DNAH6: variants seen among roughly 807,000 people sequenced by gnomAD.
The protein encoded by DNAH6 is dynein axonemal heavy chain 6, also known as axonemal beta dynein heavy chain 6.
DNAH6 carries 340 observed loss-of-function variants against 491.4 expected under a neutral mutation model. The ratio of observed to expected loss-of-function variants is 0.69; its 90% confidence interval spans 0.63 to 0.76. DNAH6 has a LOEUF of 0.76. DNAH6 is among the 30% of genes least tolerant of loss of function. The pLI is 0.00. For synonymous variants in DNAH6, 1,603 were observed against 1,686.1 expected (o/e 0.95, Z 1.21); for missense variants, 4,443 against 4,972.2 (o/e 0.89, Z 3.20).
At chr2:84,650,351 C>T (rs762115866) in intron 33 of DNAH6, among the ~76,000 whole-genome samples, 3 of 152,124 alleles carry the variant, frequency 2.0e-5, no homozygotes, top group Non-Finnish European at 4.4e-5. Flanking sequence ...CAATATTCTC[C>T]GTCTTGTTCA....
At chr2:84,544,811 A>G (rs1016415779) in intron 5 of DNAH6, among the ~76,000 whole-genome samples, 2 of 152,116 alleles carry the variant, frequency 1.3e-5, no homozygotes, top group African/African-American at 4.8e-5. Flanking sequence ...TGTCATTTTG[A>G]GCAGAGTAGG....
At chr2:84,525,940 A>G (rs953644758) in intron 3 of DNAH6, among the ~76,000 whole-genome samples, 20 of 152,214 alleles carry the variant, frequency 1.3e-4, no homozygotes, top group Non-Finnish European at 2.9e-5. Context: ...AACTTTCACC[A>G]TCTGTACAGT....
intron 16 of DNAH6, among the ~76,000 whole-genome samples, chr2:84,590,945 G>A (rs578078234): frequency 3.3e-5 from 5 of 152,276 alleles, no homozygotes; most frequent in Admixed American, 6.5e-5. Flanking sequence ...GGTTGGAACC[G>A]CTGAGAACAA....
intron 4 of DNAH6, among the ~76,000 whole-genome samples, chr2:84,540,897 C>T (rs778645194): frequency 2.6e-5 from 4 of 152,102 alleles, no homozygotes; most frequent in African/African-American, 4.8e-5. Context: ...TTTGAGACTT[C>T]CATCTCAATC....
At chr2:84,547,828 T>G (rs895037166) in intron 7 of DNAH6, among the ~76,000 whole-genome samples, 6 of 152,208 alleles carry the variant, frequency 3.9e-5, no homozygotes, top group Non-Finnish European at 7.3e-5. Context: ...ATATAGTATT[T>G]CTAAACTGGA....
At chr2:84,627,174 G>T (rs1687960100) in intron 29 of DNAH6, among the ~76,000 whole-genome samples, 1 of 152,182 alleles carries the variant, frequency 6.6e-6, no homozygotes, top group Non-Finnish European at 1.5e-5. Flanking sequence ...GAACTTTGGA[G>T]CTAGAGCACA....
intron 18 of DNAH6, among the ~76,000 whole-genome samples, chr2:84,603,454 G>C (rs967136113): frequency 1.3e-5 from 2 of 151,990 alleles, no homozygotes; most frequent in Non-Finnish European, 2.9e-5. Context: ...TTTGTGTTGT[G>C]CTCACTGAGA....
chr2:84,589,079 C>T (rs1683845328), intron 16 of DNAH6, 125 bp downstream of exon 16: 6 of 847,662 alleles, frequency 7.1e-6, no homozygotes, highest in Non-Finnish European at 1.0e-5. Context: ...AGTCAGCATG[C>T]TACAAATAGT....
At position 84,709,662 on chromosome 2, in the gene DNAH6, G is replaced by A. The variant is rs952653789; in HGVS notation, c.9252+116G>A. The A allele has an allele frequency of 3.5e-6, 4 of 1,145,182 alleles. No homozygotes were observed. In the African/African-American group the frequency reaches 4.7e-5, roughly 13 times the overall value. The allele number at this position is 1,145,182 out of a possible 1,614,324, so 70.9% of individuals were successfully genotyped here. A position where few individuals can be genotyped will look rare whatever the true frequency, so the allele number is the denominator to read the frequency against. On this transcript the variant is annotated intron_variant, in intron 55 of 76. Transcript: ENST00000389394. The stretch of plus-strand genomic sequence containing the variant: ...TGGAGATTTAGATTTAACATACATG[G>A]AGATTTAGACCTAGAAGAGAGTGTT...
intron 11 of DNAH6, among the ~76,000 whole-genome samples, chr2:84,558,615 T>C (rs1019902107): frequency 3.3e-5 from 5 of 152,196 alleles, no homozygotes; most frequent in African/African-American, 1.2e-4. Context: ...ATTACATGTT[T>C]AATGTTTTGT....
chr2:84,767,732 G>A (rs1442294611), intron 64 of DNAH6, among the ~76,000 whole-genome samples: 1 of 151,890 alleles, frequency 6.6e-6, no homozygotes, highest in Non-Finnish European at 1.5e-5. Flanking sequence ...GGAGAGAAGA[G>A]TGCAGAATAT....
chr2:84,505,289 A>G, the DNAH6 span, among the ~76,000 whole-genome samples: 2 of 152,168 alleles, frequency 1.3e-5, no homozygotes, highest in African/African-American at 2.4e-5. Context: ...AATTTGATCT[A>G]TGAATACAGA....
the DNAH6 span, among the ~76,000 whole-genome samples, chr2:84,484,067 G>A: frequency 2.6e-5 from 4 of 152,122 alleles, no homozygotes; most frequent in Non-Finnish European, 5.9e-5. Flanking sequence ...TTTGGCTGGG[G>A]TAGGGTATAA....
chr2:84,812,558 A>C (rs1025471444), intron 73 of DNAH6, 32 bp downstream of exon 73: 8 of 1,533,122 alleles, frequency 5.2e-6, no homozygotes, highest in Non-Finnish European at 7.0e-6. Context: ...GGTTTTGATG[A>C]ATCTGATGGC....
chr2:84,805,598 T>C (rs554179185), intron 70 of DNAH6, 67 bp from the exon 71 acceptor site: 2 of 1,383,538 alleles, frequency 1.4e-6, no homozygotes, highest in African/African-American at 2.9e-5. Flanking sequence ...TAAATAATTA[T>C]GTGTGCTGCA....
At chr2:84,650,805 A>T (rs566411343) in intron 33 of DNAH6, among the ~76,000 whole-genome samples, 2 of 152,298 alleles carry the variant, frequency 1.3e-5, no homozygotes, top group South Asian at 4.1e-4. Context: ...CTCTTAGTTC[A>T]GTTTGAGATC....
In DNAH6 at chr2:84,584,250, G is replaced by T. The variant is rs370047676; in HGVS notation, c.2481G>T (p.Gln827His). 1 of 1,612,402 alleles carries T rather than the reference G, an allele frequency of 6.2e-7. No homozygotes were observed. Among genetic ancestry groups the T allele is most frequent in the Admixed American group, 1.7e-5 (1 of 59,976 alleles). The change falls in exon 15 of 77, where the codon CAG becomes CAT. Residue 827 changes from glutamine (Q) to histidine (H), a missense_variant and splice_region_variant. Gln to His is a conservative substitution (Grantham distance 24, BLOSUM62 0). Around this residue, in one of 3 missense-constraint regions of DNAH6, gnomAD observed 2,977 missense variants for 3,296.6 expected, o/e 0.90. Coordinates refer to ENST00000389394, the MANE Select transcript of DNAH6 (RefSeq NM_001370.2). Reference protein sequence around the residue: ...NEVNEVKLQAQDPQILDISAD... With the variant: ...NEVNEVKLQAHDPQILDISAD... ...TGAATGAAGTAAAACTGCAAGCACA[G>T]GTAAGCTAAATCATTATTTTGTAAA...
rs1216424596 is a variant in DNAH6 at position 84,797,661 on chromosome 2, A to G, written c.11481+3A>G. ...AAAATGCTAATCTAGTCTTCCAGGT[A>G]TGTGGCCTTTCATCTTAAAATACAT... On this transcript the variant is annotated splice_donor_region_variant and intron_variant, in intron 70 of 76. Transcript: ENST00000389394. 2 of 1,550,568 alleles carry G rather than the reference A, an allele frequency of 1.3e-6. No individual in the cohort carries two copies. Among genetic ancestry groups the G allele is most frequent in the Non-Finnish European group, 8.7e-7 (1 of 1,146,262 alleles).
chr2:84,778,267 G>A (rs1172918331), intron 64 of DNAH6: 2 of 577,532 alleles, frequency 3.5e-6, no homozygotes, highest in African/African-American at 3.7e-5. Flanking sequence ...ATGTCCGGCG[G>A]GCATCGGTGG....
Sources: allele counts gnomAD v4.1 joint callset (sites outside exome capture counted in the v4.1 genomes callset), GRCh38; gene constraint gnomAD v4.1.1; regional missense constraint gnomAD v4.1.1; transcripts MANE v1.5; gene names NCBI Gene and HGNC (gene_info 2026-07-23, HGNC 2026-07-21).